The following AACS variants were observed in gnomAD, a reference collection of about 807,000 sequenced individuals.
AACS encodes the protein acetoacetyl-CoA synthetase, also known as acetoacetate-CoA ligase.
AACS carries 69 observed loss-of-function variants against 83.1 expected under a neutral mutation model. The ratio of observed to expected loss-of-function variants is 0.83; its 90% CI spans 0.68 to 1.01. The LOEUF is 1.01. AACS is among the 50% of genes least tolerant of loss of function. The pLI is 0.00. For synonymous variants in AACS, 333 were observed against 343.4 expected (o/e 0.97, Z 0.33); for missense variants, 866 against 882.2 (o/e 0.98, Z 0.23).
chr12:125,075,579 ACT>A (rs1956001884), intron 2 of AACS, among the ~76,000 whole-genome samples: 1 of 146,532 alleles, frequency 6.8e-6, no homozygotes, highest in Admixed American at 6.8e-5. Context: ...GGCGTGAGCC[ACT>A]GTGCCCAGCT....
intron 1 of AACS, among the ~76,000 whole-genome samples, chr12:125,072,531 T>C (rs1056905148): frequency 6.6e-6 from 1 of 152,226 alleles, no homozygotes; most frequent in African/African-American, 2.4e-5. Flanking sequence ...TATGTTATTA[T>C]ATCCTTGCCA....
Position 125,065,668 on chromosome 12 carries a change from GA to G in AACS, c.85del (p.Met29TrpfsTer99). On this transcript the variant is annotated frameshift_variant, in exon 1 of 18. Coordinates refer to ENST00000316519, the MANE Select transcript of AACS (RefSeq NM_023928.5). LOFTEE classifies it high-confidence loss of function. ...AGCCTGACAGTAAGAAGAACACGCAGATGGACCGCTTCCGGGCGGCTGTGGG... is the reference window on the plus strand; with the variant it reads ...AGCCTGACAGTAAGAAGAACACGCAGTGGACCGCTTCCGGGCGGCTGTGGG... ...WEPDSKKNTQ[M>X]DRFRAAVGAA... The G allele has an allele frequency of 6.5e-7, 1 of 1,546,940 alleles. No homozygotes were observed. Among genetic ancestry groups the G allele is most frequent in the Non-Finnish European group, 8.7e-7 (1 of 1,145,166 alleles).
intron 10 of AACS, chr12:125,124,006 G>A (rs1957200986): frequency 6.6e-6 from 1 of 152,214 alleles, no homozygotes; most frequent in Non-Finnish European, 1.5e-5. Flanking sequence ...TTAAGAAAAG[G>A]GGATGGGTGG....
At chr12:125,082,163 C>T (rs550885520) in intron 3 of AACS, among the ~76,000 whole-genome samples, 46 of 117,690 alleles carry the variant, frequency 3.9e-4, no homozygotes, top group African/African-American at 1.4e-3. Context: ...GCCACTGCGC[C>T]CAGCCTGATT....
chr12:125,118,811 A>T, intron 10 of AACS, 46 bp downstream of exon 10: 1 of 1,606,266 alleles, frequency 6.2e-7, no homozygotes, highest in Non-Finnish European at 8.5e-7. Flanking sequence ...AGGCAGCACC[A>T]GGAAGGCTCC....
chr12:125,073,773 T>A, intron 1 of AACS, 103 bp from the exon 2 acceptor site: 1 of 868,096 alleles, frequency 1.2e-6, no homozygotes, highest in Non-Finnish European at 1.8e-6. Context: ...TCAGATGAAT[T>A]TGGCTCGCTT....
chr12:125,082,439 G>T (rs1170318221), intron 3 of AACS, among the ~76,000 whole-genome samples: 1 of 150,694 alleles, frequency 6.6e-6, no homozygotes, highest in Non-Finnish European at 1.5e-5. Flanking sequence ...GCCTCCCAAA[G>T]TGCTGGGATT....
rs1957531130 is a variant in AACS, at chr12:125,143,279, A to C, written c.*1050A>C. 6.6e-6 allele frequency: 1 copy of C among 152,252 alleles called. No homozygotes were observed. The allele number at this position is 152,252 out of a possible 1,614,324, so 9.4% of individuals were successfully genotyped here. A position where few individuals can be genotyped will look rare whatever the true frequency, so the allele number is the denominator to read the frequency against. On this transcript the variant is annotated 3_prime_UTR_variant, in exon 18 of 18. Coordinates refer to ENST00000316519, the MANE Select transcript of AACS (RefSeq NM_023928.5). ...AAATATGGGGGAAAGTGCTATGATGAATTTTATGCAATAAATGTATACATG... is the reference window on the plus strand; with the variant it reads ...AAATATGGGGGAAAGTGCTATGATGCATTTTATGCAATAAATGTATACATG...
At chr12:125,118,412 C>A in intron 9 of AACS, 1 of 546,722 alleles carries the variant, frequency 1.8e-6, no homozygotes, top group South Asian at 2.0e-5. Flanking sequence ...AGCAAGGGTG[C>A]AACAGACATT....
rs963764732 is a variant in AACS at position 125,094,637 on chromosome 12, T to A, written c.570+3114T>A. 2.6e-5 allele frequency among the ~76,000 whole-genome samples: 4 copies of A among 152,154 alleles called. No individual in the cohort carries two copies. Among genetic ancestry groups the A allele is most frequent in the Non-Finnish European group, 4.4e-5 (3 of 68,004 alleles). On this transcript the variant is annotated intron_variant, in intron 5 of 17. Transcript: ENST00000316519. The surrounding 1 kb of genome is among the most constrained non-coding windows in gnomAD (Gnocchi z 4.1). ...CTCCGTCACTCCCCTGTGCTTTACTTCTACCCATTCCATGCTCTCTCCCAC... is the reference window on the plus strand; with the variant it reads ...CTCCGTCACTCCCCTGTGCTTTACTACTACCCATTCCATGCTCTCTCCCAC...
At position 125,065,702 on chromosome 12, in the gene AACS, T is replaced by C; in HGVS notation, c.118T>C (p.Cys40Arg). The C allele has an allele frequency of 3.9e-6, 6 of 1,538,776 alleles. No individual in the cohort carries two copies. Among genetic ancestry groups the C allele is most frequent in the Non-Finnish European group, 5.3e-6 (6 of 1,142,142 alleles). The change falls in exon 1 of 18, where the codon TGC becomes CGC. Residue 40 changes from cysteine to arginine, a missense_variant. Cys to Arg is a radical substitution (Grantham distance 180). Coordinates refer to ENST00000316519, the MANE Select transcript of AACS (RefSeq NM_023928.5). Reference sequence around the variant, plus strand: ...CTTCCGGGCGGCTGTGGGCGCCGCCTGCGGCCTGGCGCTGGGTGAGAGTCG... The same window carrying C: ...CTTCCGGGCGGCTGTGGGCGCCGCCCGCGGCCTGGCGCTGGGTGAGAGTCG... ...DRFRAAVGAA[C>R]GLALESYDDL...
chr12:125,129,459 A>G lies in AACS; in HGVS notation c.1548A>G (p.Pro516=). The G allele has an allele frequency of 1.2e-6, 2 of 1,613,028 alleles. No individual in the cohort carries two copies. Among genetic ancestry groups the G allele is most frequent in the Non-Finnish European group, 1.7e-6 (2 of 1,179,444 alleles). Residue 516 remains proline (P), a splice_region_variant and synonymous_variant, in exon 14 of 18, where the codon CCA becomes CCG. Transcript: ENST00000316519. The surrounding 1 kb of genome is among the most constrained non-coding windows in gnomAD (Gnocchi z 4.3). ...GGAAGGCGTATTTCTCCAAATTCCC[A>G]GGTCGGTTGGAGAGATGCAGACAGA... ...KYRKAYFSKF[P]GIWAHGDYCR... is the part of the protein sequence containing the mutation.
At chr12:125,069,065 A>G (rs1304635857) in intron 1 of AACS, among the ~76,000 whole-genome samples, 1 of 150,980 alleles carries the variant, frequency 6.6e-6, no homozygotes, top group Non-Finnish European at 1.5e-5. Context: ...CTGGTCTCGA[A>G]CTCCTGACCT....
At chr12:125,077,648 A>G (rs1297120284) in intron 3 of AACS, among the ~76,000 whole-genome samples, 1 of 152,232 alleles carries the variant, frequency 6.6e-6, no homozygotes, top group African/African-American at 2.4e-5. Flanking sequence ...AATCATGGAA[A>G]TAAGGCCAAC....
chr12:125,133,143 C>G (rs920902277), intron 14 of AACS, among the ~76,000 whole-genome samples: 1 of 152,210 alleles, frequency 6.6e-6, no homozygotes, highest in Non-Finnish European at 1.5e-5. Context: ...GCCAGTTCCC[C>G]TCAGTGTGGC....
In AACS at chr12:125,113,423, C is replaced by T. The variant is rs572470076; in HGVS notation, c.916-1054C>T. On this transcript the variant is annotated intron_variant, in intron 8 of 17. Coordinates refer to ENST00000316519, the MANE Select transcript of AACS (RefSeq NM_023928.5). This position sits in a 1 kb window ranked among gnomAD's most constrained non-coding sequence, Gnocchi z 4.8. Reference sequence around the variant, plus strand: ...TGTCCTCAGGATCTTGTACGAGATCCGTTGGAAAGACAGGAAAACCGAGGC... The same window carrying T: ...TGTCCTCAGGATCTTGTACGAGATCTGTTGGAAAGACAGGAAAACCGAGGC... Among the ~76,000 whole-genome samples, 3 of 152,286 alleles carry T rather than the reference C, an allele frequency of 2.0e-5. No homozygotes were observed. The highest frequency in any genetic ancestry group is 2.1e-4 in the South Asian group (1 of 4,828).
At chr12:125,080,241 T>C (rs551352139) in intron 3 of AACS, among the ~76,000 whole-genome samples, 1 of 152,314 alleles carries the variant, frequency 6.6e-6, no homozygotes, top group South Asian at 2.1e-4. Flanking sequence ...TCTCTTTAAA[T>C]GTGTGTGCTT....
intron 5 of AACS, 58 bp from the exon 6 acceptor site, chr12:125,102,621 T>C (rs1262990466): frequency 4.1e-6 from 6 of 1,450,368 alleles, no homozygotes; most frequent in South Asian, 1.1e-5. Flanking sequence ...CCCACCACCA[T>C]GCCTGCTGGT....
rs78883930 is a variant in AACS at position 125,103,987 on chromosome 12, C to A, written c.767+906C>A. 6.3e-4 allele frequency among the ~76,000 whole-genome samples: 26 copies of A among 41,182 alleles called. 1 individual carries two copies. The highest frequency in any genetic ancestry group is 1.1e-3 in the Non-Finnish European group (21 of 19,764). 27.0% of individuals were successfully genotyped at this position (41,182 alleles called of 152,430 possible). A position where few individuals can be genotyped will look rare whatever the true frequency, so the allele number is the denominator to read the frequency against. ...TGGGCAAAAAAGCGAAACTCCGTCT[C>A]AAAAAAAAAAAAAAAAAAAAAAAAA... is the stretch of plus-strand genomic sequence containing the variant. On this transcript the variant is annotated intron_variant, in intron 7 of 17. Coordinates refer to ENST00000316519, the MANE Select transcript of AACS (RefSeq NM_023928.5).
Sources: gnomAD v4.1 joint callset for allele counts (sites outside exome capture counted in the v4.1 genomes callset) on GRCh38, gnomAD v4.1.1 for gene constraint, Gnocchi (gnomAD v3.1) non-coding constraint, MANE v1.5 for transcripts, NCBI Gene and HGNC (gene_info 2026-07-23, HGNC 2026-07-21) for gene names.